The following ABI2 variants were observed in gnomAD, a reference collection of about 807,000 sequenced individuals.
The protein encoded by ABI2 is abelson interactor 2.
ABI2 carries 25 observed loss-of-function variants against 59.2 expected under a neutral mutation model. That is an observed-to-expected ratio of 0.42 (90% CI 0.31 to 0.59). ABI2 has a LOEUF of 0.59. Ranked by LOEUF, ABI2 falls within the 20% of genes least tolerant of loss-of-function variation. The pLI is 0.14. For synonymous variants in ABI2, 213 were observed against 235.5 expected, an observed-to-expected ratio of 0.90 and a Z score of 0.87; for missense variants, 545 against 681.8, an observed-to-expected ratio of 0.80 and a Z score of 2.23.
At chr2:203,408,833 C>CTTTCTTTTTTTTTTTTTTTT (rs1259310860) in intron 9 of ABI2, among the ~76,000 whole-genome samples, 7 of 87,202 alleles carry the variant, frequency 8.0e-5, no homozygotes, top group East Asian at 2.5e-4. Flanking sequence ...CTTCTCCTTT[C>CTTTCTTTTTTTTTTTTTTTT]TTTTTTTTTT....
intron 10 of ABI2, among the ~76,000 whole-genome samples, chr2:203,411,750 T>C (rs1286704791): frequency 6.6e-6 from 1 of 152,176 alleles, no homozygotes; most frequent in Non-Finnish European, 1.5e-5. Context: ...GTTTTGTGAT[T>C]CCAGATATCA....
intron 1 of ABI2, among the ~76,000 whole-genome samples, chr2:203,352,555 CA>C (rs1157353622): frequency 8.4e-6 from 1 of 119,344 alleles, no homozygotes; most frequent in African/African-American, 3.2e-5. Flanking sequence ...CGGTTTTTAA[CA>C]AAAAAAGTTA....
At chr2:203,395,038 A>T (rs1463518660) in intron 6 of ABI2, 192 bp downstream of exon 6, 1 of 748,648 alleles carries the variant, frequency 1.3e-6, no homozygotes, top group Non-Finnish European at 2.3e-6. Flanking sequence ...TTGATAAAGA[A>T]CAGACATCTC....
intron 1 of ABI2, among the ~76,000 whole-genome samples, chr2:203,356,416 T>C (rs2091990658): frequency 6.6e-6 from 1 of 152,212 alleles, no homozygotes; most frequent in Admixed American, 6.5e-5. Flanking sequence ...TTGCCCAGGC[T>C]GGAGTGCATT....
At position 203,431,058 on chromosome 2, in the gene ABI2, C is replaced by T. The variant is rs1485140154; in HGVS notation, c.*3706C>T. ...GAAAAAGGTTTGATGGAGGAATTCACAGGTGACTGACAAGTCTTTGAAAAG... is the reference window on the plus strand; with the variant it reads ...GAAAAAGGTTTGATGGAGGAATTCATAGGTGACTGACAAGTCTTTGAAAAG... On this transcript the variant is annotated 3_prime_UTR_variant, in exon 12 of 12. Coordinates refer to ENST00000261018, the MANE Select transcript of ABI2 (RefSeq NM_001375670.1). 6.6e-6 allele frequency: 1 copy of T among 152,194 alleles called. No individual in the cohort carries two copies. Among genetic ancestry groups the T allele is most frequent in the Admixed American group, 6.5e-5 (1 of 15,272 alleles). 9.4% of individuals were successfully genotyped at this position (152,194 alleles called of 1,614,324 possible).
chr2:203,385,139 C>CTTTTTTTTTTTTTT lies in ABI2; in HGVS notation c.480+2946_480+2947insTTTTTTTTTTTTTT, dbSNP rs10527327. ...TGAGCCACCGCACCCGGCTCAGATT[C>CTTTTTTTTTTTTTT]TTTTTTTTTTTTTGAGACAGTCTTG... On this transcript the variant is annotated intron_variant, in intron 4 of 11. Coordinates refer to ENST00000261018, the MANE Select transcript of ABI2 (RefSeq NM_001375670.1). 2.1e-3 allele frequency among the ~76,000 whole-genome samples: 146 copies of CTTTTTTTTTTTTTT among 69,956 alleles called. 30 individuals carry two copies. The highest frequency in any genetic ancestry group is 3.1e-3 in the Non-Finnish European group (107 of 34,784). The allele number at this position is 69,956 out of a possible 152,430, so 45.9% of individuals were successfully genotyped here.
intron 1 of ABI2, among the ~76,000 whole-genome samples, chr2:203,364,734 ATT>A (rs35748117): frequency 1.2e-4 from 17 of 141,810 alleles, no homozygotes; most frequent in South Asian, 1.1e-3. Flanking sequence ...TATTTTTTTA[ATT>A]TTTTTTTTTT....
At chr2:203,390,998 C>A in intron 4 of ABI2, 48 bp from the exon 5 acceptor site, 1 of 1,465,928 alleles carries the variant, frequency 6.8e-7, no homozygotes, top group Non-Finnish European at 9.5e-7. Flanking sequence ...CCAAAAGTGC[C>A]ACTTTATTTC....
intron 5 of ABI2, among the ~76,000 whole-genome samples, chr2:203,391,944 C>T (rs1002369980): frequency 6.6e-6 from 1 of 151,928 alleles, no homozygotes; most frequent in South Asian, 2.1e-4. Flanking sequence ...TCTAGAGCAT[C>T]GTATTATAAA....
At chr2:203,336,924 G>A (rs935989543) in intron 1 of ABI2, among the ~76,000 whole-genome samples, 1 of 152,154 alleles carries the variant, frequency 6.6e-6, no homozygotes, top group Non-Finnish European at 1.5e-5. Flanking sequence ...CAAAGATCCA[G>A]TTGTTCTTCA....
chr2:203,419,166 A>G (rs1052081253), intron 11 of ABI2, among the ~76,000 whole-genome samples: 13 of 144,484 alleles, frequency 9.0e-5, no homozygotes, highest in Non-Finnish European at 1.5e-5. Context: ...CTGGAGTGCA[A>G]TGGCGTGATC....
chr2:203,407,213 C>T (rs1275430265), intron 9 of ABI2, among the ~76,000 whole-genome samples: 3 of 152,156 alleles, frequency 2.0e-5, no homozygotes, highest in Non-Finnish European at 2.9e-5. Context: ...GTGTGAGCCA[C>T]CGCATCCAGC....
rs2098481359 is a variant in ABI2 at position 203,431,271 on chromosome 2, CAG to C, written c.*3922_*3923del. 6.6e-6 allele frequency: 1 copy of C among 152,610 alleles called. No homozygotes were observed. The highest frequency in any genetic ancestry group is 2.4e-5 in the African/African-American group (1 of 41,426). 9.5% of individuals were successfully genotyped at this position (152,610 alleles called of 1,614,324 possible). A position where few individuals can be genotyped will look rare whatever the true frequency, so the allele number is the denominator to read the frequency against. ...CATATGAACAGCTAGTTAATAACAGCAGAGTTCTCACTCAGTGCTCAGTACTT... is the reference window on the plus strand; with the variant it reads ...CATATGAACAGCTAGTTAATAACAGCAGTTCTCACTCAGTGCTCAGTACTT... On this transcript the variant is annotated 3_prime_UTR_variant, in exon 12 of 12. Transcript: ENST00000261018.
intron 9 of ABI2, among the ~76,000 whole-genome samples, chr2:203,408,378 G>T (rs1257119944): frequency 6.6e-6 from 1 of 151,694 alleles, no homozygotes; most frequent in Non-Finnish European, 1.5e-5. Context: ...GGCCAGGCTG[G>T]TCTTGAACTC....
chr2:203,360,184 CAAAAA>C (rs58857922), intron 1 of ABI2, among the ~76,000 whole-genome samples: 2 of 70,902 alleles, frequency 2.8e-5, no homozygotes, highest in Non-Finnish European at 5.3e-5. Context: ...GACTCCATCT[CAAAAA>C]AAAAAAAAAA....
chr2:203,352,913 A>G (rs1439684122), intron 1 of ABI2, among the ~76,000 whole-genome samples: 3 of 152,220 alleles, frequency 2.0e-5, no homozygotes, highest in Non-Finnish European at 4.4e-5. Context: ...AGGTATTCAA[A>G]TGCTTACCAT....
chr2:203,388,684 A>AAATAAT (rs757094732), intron 4 of ABI2, among the ~76,000 whole-genome samples: 6 of 151,866 alleles, frequency 4.0e-5, no homozygotes, highest in Non-Finnish European at 5.9e-5. Flanking sequence ...CTGTCTTAAA[A>AAATAAT]AATAATAATA....
chr2:203,391,473 C>T (rs570850233), intron 5 of ABI2, among the ~76,000 whole-genome samples: 114 of 152,242 alleles, frequency 7.5e-4, no homozygotes, highest in Middle Eastern at 3.4e-3. Flanking sequence ...CTCCAACTAT[C>T]CTTTTTAAGC....
At chr2:203,353,953 A>G (rs929957426) in intron 1 of ABI2, among the ~76,000 whole-genome samples, 2 of 152,226 alleles carry the variant, frequency 1.3e-5, no homozygotes, top group African/African-American at 4.8e-5. Flanking sequence ...CTTAACATGT[A>G]GATTTAGCAA....
Sources: gnomAD v4.1 joint callset for allele counts (sites outside exome capture counted in the v4.1 genomes callset) on GRCh38, gnomAD v4.1.1 for gene constraint, MANE v1.5 for transcripts, NCBI Gene and HGNC (gene_info 2026-07-23, HGNC 2026-07-21) for gene names.